Variants in CSNK2A2IP observed in about 807,000 individuals in gnomAD.
CSNK2A2IP encodes the protein casein kinase II subunit alpha'-interacting protein.
the CSNK2A2IP span, among the ~76,000 whole-genome samples, chr3:88,396,505 C>T: frequency 6.6e-6 from 1 of 152,194 alleles, no homozygotes; most frequent in South Asian, 2.1e-4. Flanking sequence ...AGTCTGAAGC[C>T]GGAACAAGCA....
the CSNK2A2IP span, among the ~76,000 whole-genome samples, chr3:88,401,604 AAGAT>A: frequency 1.3e-5 from 2 of 152,112 alleles, no homozygotes; most frequent in Admixed American, 1.3e-4. Context: ...TTTTAGGAGA[AAGAT>A]AGGTTTATTA....
the CSNK2A2IP span, among the ~76,000 whole-genome samples, chr3:88,429,243 T>G: frequency 6.6e-6 from 1 of 152,094 alleles, no homozygotes; most frequent in Non-Finnish European, 1.5e-5. Context: ...TTCTTGTGTC[T>G]TCTTCCTACT....
the CSNK2A2IP span, among the ~76,000 whole-genome samples, chr3:88,418,437 A>AGTGTGTGTGT: frequency 8.2e-6 from 1 of 122,120 alleles, no homozygotes; most frequent in Non-Finnish European, 1.7e-5. Flanking sequence ...ACTGAATGTC[A>AGTGTGTGTGT]GTGTGTGTGT....
chr3:88,445,644 G>C, the CSNK2A2IP span, among the ~76,000 whole-genome samples: 2 of 151,570 alleles, frequency 1.3e-5, no homozygotes, highest in Non-Finnish European at 2.9e-5. Context: ...CTGCAGCCTT[G>C]AACTCCTGGG....
the CSNK2A2IP span, among the ~76,000 whole-genome samples, chr3:88,379,766 C>T: frequency 6.6e-6 from 1 of 152,178 alleles, no homozygotes; most frequent in East Asian, 1.9e-4. Flanking sequence ...ATCATGACAA[C>T]ATTTGATTTT....
At chr3:88,375,362 T>C in the CSNK2A2IP span, among the ~76,000 whole-genome samples, 3 of 151,812 alleles carry the variant, frequency 2.0e-5, no homozygotes, top group Non-Finnish European at 4.4e-5. Flanking sequence ...GTGAACCTTA[T>C]GGTAGAAGGG....
At chr3:88,438,478 C>T in the CSNK2A2IP span, among the ~76,000 whole-genome samples, 1 of 152,102 alleles carries the variant, frequency 6.6e-6, no homozygotes, top group Non-Finnish European at 1.5e-5. Flanking sequence ...AACTCTAACC[C>T]CACCTTTCTG....
At chr3:88,466,711 A>G in the CSNK2A2IP span, 14 of 1,108,052 alleles carry the variant, frequency 1.3e-5, no homozygotes, top group Middle Eastern at 3.3e-4. Context: ...CTGTAGGCAG[A>G]TTTTGTTTAG....
At chr3:88,459,133 A>G in the CSNK2A2IP span, among the ~76,000 whole-genome samples, 4 of 152,192 alleles carry the variant, frequency 2.6e-5, no homozygotes, top group African/African-American at 7.2e-5. Context: ...AGTAGGATGA[A>G]GTAGCAAGGA....
chr3:88,454,487 A>G, the CSNK2A2IP span, among the ~76,000 whole-genome samples: 70 of 152,028 alleles, frequency 4.6e-4, no homozygotes, highest in Non-Finnish European at 6.6e-4. Flanking sequence ...CTAAAAATCT[A>G]TGCTCAACCC....
At chr3:88,464,795 T>G in the CSNK2A2IP span, among the ~76,000 whole-genome samples, 3 of 152,226 alleles carry the variant, frequency 2.0e-5, no homozygotes, top group Non-Finnish European at 4.4e-5. Flanking sequence ...TGATAACTAC[T>G]GCATTTTATT....
the CSNK2A2IP span, among the ~76,000 whole-genome samples, chr3:88,339,779 A>G: frequency 6.6e-6 from 1 of 152,112 alleles, no homozygotes; most frequent in South Asian, 2.1e-4. Flanking sequence ...GGCAAACCAT[A>G]TAATTTTTGT....
At chr3:88,381,874 T>C in the CSNK2A2IP span, among the ~76,000 whole-genome samples, 1 of 152,196 alleles carries the variant, frequency 6.6e-6, no homozygotes, top group Non-Finnish European at 1.5e-5. Context: ...GATCTAAAAA[T>C]GTATCAAGTT....
the CSNK2A2IP span, among the ~76,000 whole-genome samples, chr3:88,355,653 T>C: frequency 2.0e-5 from 3 of 152,198 alleles, no homozygotes; most frequent in East Asian, 5.8e-4. Context: ...TATTAAGAAG[T>C]ATGTTATTAT....
the CSNK2A2IP span, among the ~76,000 whole-genome samples, chr3:88,353,752 T>G: frequency 2.0e-5 from 3 of 152,230 alleles, no homozygotes; most frequent in Admixed American, 6.5e-5. Context: ...ATGGAAGGAC[T>G]AAGGAAAGAA....
At chr3:88,355,085 A>G in the CSNK2A2IP span, among the ~76,000 whole-genome samples, 5 of 152,140 alleles carry the variant, frequency 3.3e-5, no homozygotes, top group Non-Finnish European at 7.4e-5. Context: ...ATGCAAAGTA[A>G]GATACTATCT....
chr3:88,374,625 CA>C, the CSNK2A2IP span, among the ~76,000 whole-genome samples: 2 of 151,598 alleles, frequency 1.3e-5, no homozygotes, highest in Non-Finnish European at 3.0e-5. Flanking sequence ...ACTTTTATTG[CA>C]ATTGAAATTT....
At chr3:88,431,902 G>C in the CSNK2A2IP span, among the ~76,000 whole-genome samples, 1 of 152,112 alleles carries the variant, frequency 6.6e-6, no homozygotes, top group Non-Finnish European at 1.5e-5. Flanking sequence ...CCTATTGATA[G>C]TCTAAATTTA....
At chr3:88,434,954 A>C in the CSNK2A2IP span, among the ~76,000 whole-genome samples, 2 of 152,154 alleles carry the variant, frequency 1.3e-5, no homozygotes, top group African/African-American at 4.8e-5. Context: ...TTTTATCAGA[A>C]TTTATCACCA....
Sources: gnomAD v4.1 joint callset for allele counts (sites outside exome capture counted in the v4.1 genomes callset) on GRCh38, gnomAD v4.1.1 for gene constraint, MANE v1.5 for transcripts, NCBI Gene and HGNC (gene_info 2026-07-23, HGNC 2026-07-21) for gene names.